Variants in NAA25 observed in about 807,000 individuals in gnomAD.
NAA25 encodes the protein N-terminal acetyltransferase B complex subunit NAA25.
Under a neutral mutation model 132.5 loss-of-function variants are expected in NAA25, and 30 were observed. The observed-to-expected ratio is 0.23, with a 90% confidence interval of 0.17 to 0.31. NAA25 has a LOEUF of 0.31. Ranked by LOEUF, NAA25 falls within the 10% of genes least tolerant of loss-of-function variation. The pLI is 1.00. For missense variants in NAA25, 771 were observed against 1,150.4 expected, an observed-to-expected ratio of 0.67 and a Z score of 4.77; for synonymous variants, 359 against 401.9, an observed-to-expected ratio of 0.89 and a Z score of 1.28.
At chr12:112,095,212 C>A (rs968296443) in intron 1 of NAA25, among the ~76,000 whole-genome samples, 1 of 151,762 alleles carries the variant, frequency 6.6e-6, no homozygotes, top group Non-Finnish European at 1.5e-5. Flanking sequence ...CCGAGGCGGG[C>A]GGATCACGAG....
intron 23 of NAA25, among the ~76,000 whole-genome samples, chr12:112,030,700 AACAT>A (rs1388252339): frequency 6.6e-6 from 1 of 152,222 alleles, no homozygotes; most frequent in Non-Finnish European, 1.5e-5. Flanking sequence ...AGAAACCGGG[AACAT>A]ACTTTCTGAC....
chr12:112,073,823 GA>G (rs912449552), intron 9 of NAA25, among the ~76,000 whole-genome samples: 7 of 148,520 alleles, frequency 4.7e-5, no homozygotes, highest in Non-Finnish European at 9.0e-5. Context: ...AAGGACAAAG[GA>G]AAAAAAAAGA....
intron 1 of NAA25, among the ~76,000 whole-genome samples, chr12:112,101,700 C>T (rs1286281208): frequency 6.6e-6 from 1 of 151,376 alleles, no homozygotes; most frequent in East Asian, 2.0e-4. Context: ...GAGGTTGCAG[C>T]GAGTGGAGAT....
At chr12:112,102,902 C>G (rs1230812096) in intron 1 of NAA25, among the ~76,000 whole-genome samples, 3 of 152,122 alleles carry the variant, frequency 2.0e-5, no homozygotes, top group Admixed American at 6.6e-5. Flanking sequence ...GTCGGTGAGA[C>G]TCGTCTCAAA....
In NAA25 at chr12:112,071,952, T is replaced by C; in HGVS notation, c.979A>G (p.Lys327Glu). ...CGTAAACGCCTAATCAGCTCCAATT[T>C]AGCTAGATGTGGTCCTCGGAGATGG... Reference protein sequence around the residue: ...SRHLRGPHLAKLELIRRLRSQ... With the variant: ...SRHLRGPHLAELELIRRLRSQ... Residue 327 changes from lysine to glutamate, a missense_variant, in exon 10 of 24, where the codon AAA (lysine) becomes GAA (glutamate). By Grantham distance (56) the Lys-to-Glu change is moderately conservative (BLOSUM62 1). This residue lies in a region of NAA25 where 417 missense variants were observed against 733.8 expected (regional missense o/e 0.57). Coordinates refer to ENST00000261745, the MANE Select transcript of NAA25 (RefSeq NM_024953.4). 6.2e-7 allele frequency: 1 copy of C among 1,614,072 alleles called. No homozygotes were observed. Among genetic ancestry groups the C allele is most frequent in the Non-Finnish European group, 8.5e-7 (1 of 1,180,000 alleles).
chr12:112,054,616 A>C, intron 13 of NAA25, 48 bp from the exon 14 acceptor site: 1 of 1,543,846 alleles, frequency 6.5e-7, no homozygotes, highest in Non-Finnish European at 8.8e-7. Flanking sequence ...AGCAAATGAA[A>C]GCTTCCCAAA....
At chr12:112,104,148 T>C (rs1392768261) in intron 1 of NAA25, among the ~76,000 whole-genome samples, 1 of 152,138 alleles carries the variant, frequency 6.6e-6, no homozygotes, top group African/African-American at 2.4e-5. Flanking sequence ...CTGGAAAATA[T>C]CTTACACCTG....
intron 10 of NAA25, among the ~76,000 whole-genome samples, chr12:112,069,813 C>A (rs1437964980): frequency 7.2e-6 from 1 of 139,398 alleles, no homozygotes; most frequent in African/African-American, 2.7e-5. Context: ...GAGAGAGACT[C>A]CATCTCAAAA....
At chr12:112,046,311 C>T (rs1350019012) in intron 17 of NAA25, among the ~76,000 whole-genome samples, 1 of 152,228 alleles carries the variant, frequency 6.6e-6, no homozygotes, top group Admixed American at 6.5e-5. Flanking sequence ...CTCAGTGTTT[C>T]CCCTCAGAGG....
chr12:112,030,507 C>A (rs1053579463), intron 23 of NAA25, among the ~76,000 whole-genome samples: 2 of 152,066 alleles, frequency 1.3e-5, no homozygotes, highest in Non-Finnish European at 2.9e-5. Flanking sequence ...TGACAAAGCC[C>A]CTGAGTTCAA....
intron 13 of NAA25, among the ~76,000 whole-genome samples, chr12:112,056,314 G>A (rs1455342361): frequency 6.6e-6 from 1 of 151,450 alleles, no homozygotes; most frequent in African/African-American, 2.4e-5. Context: ...AGCCTGGGAC[G>A]GAGTTAAGAT....
chr12:112,038,641 C>G (rs1172212558), intron 22 of NAA25, among the ~76,000 whole-genome samples: 1 of 152,036 alleles, frequency 6.6e-6, no homozygotes, highest in South Asian at 2.1e-4. Context: ...TTCTGGCTTC[C>G]CTGGGCCACA....
intron 1 of NAA25, among the ~76,000 whole-genome samples, chr12:112,107,740 A>G (rs1158929734): frequency 1.3e-5 from 2 of 152,182 alleles, no homozygotes; most frequent in Non-Finnish European, 2.9e-5. Flanking sequence ...TGTAAAAACC[A>G]CTGACCTTGA....
At chr12:112,091,508 C>A (rs138747749) in intron 2 of NAA25, among the ~76,000 whole-genome samples, 1 of 152,068 alleles carries the variant, frequency 6.6e-6, no homozygotes, top group Non-Finnish European at 1.5e-5. Flanking sequence ...AGGTAGGCAA[C>A]GTGGTGAGAT....
chr12:112,057,218 CATAAAATAAAATAAA>C (rs569702126), intron 13 of NAA25, among the ~76,000 whole-genome samples: 9 of 151,928 alleles, frequency 5.9e-5, no homozygotes, highest in African/African-American at 1.4e-4. Flanking sequence ...AATAAAATAA[CATAAAATAAAATAAA>C]ATAAAATAGT....
At chr12:112,081,322 A>C (rs1453353981) in intron 4 of NAA25, among the ~76,000 whole-genome samples, 188 bp from the exon 5 acceptor site, 7 of 152,224 alleles carry the variant, frequency 4.6e-5, no homozygotes, top group Admixed American at 3.9e-4. Flanking sequence ...TCATGTTATG[A>C]GTGATACTTT....
chr12:112,091,934 C>T (rs1318808392), intron 2 of NAA25, among the ~76,000 whole-genome samples: 1 of 152,164 alleles, frequency 6.6e-6, no homozygotes, highest in Non-Finnish European at 1.5e-5. Flanking sequence ...AAGAAATAAA[C>T]AGCTAGCTTT....
chr12:112,043,135 G>A lies in NAA25; in HGVS notation c.2327C>T (p.Ser776Phe). The A allele has an allele frequency of 6.2e-7, 1 of 1,613,140 alleles. No homozygotes were observed. Among genetic ancestry groups the A allele is most frequent in the Non-Finnish European group, 8.5e-7 (1 of 1,179,424 alleles). Residue 776 changes from serine (S) to phenylalanine (F), a missense_variant, in exon 19 of 24, where the codon TCT becomes TTT. Physicochemically the swap from Ser to Phe is radical, Grantham distance 155. This residue lies in a region of NAA25 where 324 missense variants were observed against 400.0 expected (regional missense o/e 0.81). Coordinates refer to ENST00000261745, the MANE Select transcript of NAA25 (RefSeq NM_024953.4). Reference protein sequence around the residue: ...NSGCSQCQISSFYLVNDIYEL... With the variant: ...NSGCSQCQISFFYLVNDIYEL... ...ATAAATATCATTGACAAGATAAAAA[G>A]AGCTTATCTGGCACTGAGAACAGCC...
chr12:112,108,441 G>A (rs574404340), intron 1 of NAA25, among the ~76,000 whole-genome samples: 1 of 152,342 alleles, frequency 6.6e-6, no homozygotes, highest in East Asian at 1.9e-4. Context: ...TAGCGCAGGT[G>A]TCTGCAGAAC....
Sources: gnomAD v4.1 joint callset for allele counts (sites outside exome capture counted in the v4.1 genomes callset) on GRCh38, gnomAD v4.1.1 for gene constraint, gnomAD v4.1.1 regional missense constraint, MANE v1.5 for transcripts, NCBI Gene and HGNC (gene_info 2026-07-23, HGNC 2026-07-21) for gene names.